The following HDAC8 variants were observed in gnomAD, a reference collection of about 807,000 sequenced individuals.
HDAC8 encodes the protein histone deacetylase 8.
A neutral mutation model predicts 32.2 loss-of-function variants in HDAC8; 1 was observed. The observed-to-expected ratio is 0.03, with a 90% CI of 0.01 to 0.15. The LOEUF (loss-of-function observed/expected upper bound fraction) is 0.15. HDAC8 is among the 10% of genes least tolerant of loss of function. The pLI, the probability that HDAC8 is intolerant of heterozygous loss-of-function variation, is 1.00. For synonymous variants in HDAC8, 108 were observed against 113.9 expected (o/e 0.95, Z 0.33); for missense variants, 117 against 300.0 (o/e 0.39, Z 4.51).
chrX:72,389,490 T>G (rs2045554466), intron 9 of HDAC8, among the ~76,000 whole-genome samples: 2 of 112,045 alleles, frequency 1.8e-5, no homozygotes, highest in Non-Finnish European at 3.8e-5. Context: ...ATAAGAGCAC[T>G]GACCTTATGA....
chrX:72,373,448 T>C (rs2044949301), intron 9 of HDAC8, among the ~76,000 whole-genome samples: 1 of 112,657 alleles, frequency 8.9e-6, no homozygotes, highest in Non-Finnish European at 1.9e-5. Context: ...TCTGGACATT[T>C]CATACAAATG....
intron 7 of HDAC8, chrX:72,480,577 G>A (rs1603032740): frequency 8.2e-6 from 2 of 245,307 alleles, no homozygotes; most frequent in South Asian, 8.0e-5. Flanking sequence ...AGGAATATAA[G>A]TCATTCTACT....
chrX:72,413,319 C>T (rs1262393245), intron 9 of HDAC8, among the ~76,000 whole-genome samples: 1 of 90,443 alleles, frequency 1.1e-5, no homozygotes, highest in African/African-American at 4.3e-5. Context: ...TTCCTGTGTC[C>T]ATGTGTTCTC....
In HDAC8 at chrX:72,501,736, A is replaced by G. The variant is rs968510819; in HGVS notation, c.438-6468T>C. 4.4e-5 allele frequency among the ~76,000 whole-genome samples: 5 copies of G among 112,441 alleles called. No individual in the cohort carries two copies. The East Asian group carries it at 8.3e-4, about 19-fold the overall frequency. Reference sequence around the variant, plus strand: ...GCAAAGATTTCATGACAAAGACAACAAATGCAATTTCAACAAAAGCAAAAG... The same window carrying G: ...GCAAAGATTTCATGACAAAGACAACGAATGCAATTTCAACAAAAGCAAAAG... On this transcript the variant is annotated intron_variant, in intron 4 of 10. Transcript: ENST00000373573.
At chrX:72,363,459 C>A (rs2044609315) in intron 9 of HDAC8, among the ~76,000 whole-genome samples, 1 of 111,136 alleles carries the variant, frequency 9.0e-6, no homozygotes, top group African/African-American at 3.3e-5. Flanking sequence ...CAAACAACTG[C>A]CCTCTCTCTA....
chrX:72,480,903 G>T (rs2048476146), intron 7 of HDAC8, among the ~76,000 whole-genome samples: 1 of 110,130 alleles, frequency 9.1e-6, no homozygotes, highest in Non-Finnish European at 1.9e-5. Context: ...GGGCTTGTCA[G>T]GGGGTGGGGA....
chrX:72,407,573 A>G (rs1407669509), intron 9 of HDAC8, among the ~76,000 whole-genome samples: 1 of 112,181 alleles, frequency 8.9e-6, no homozygotes, highest in Non-Finnish European at 1.9e-5. Flanking sequence ...GAAATAGGGA[A>G]GCAGGAAAGA....
intron 9 of HDAC8, among the ~76,000 whole-genome samples, chrX:72,354,931 C>T (rs951986880): frequency 1.2e-4 from 13 of 112,063 alleles, no homozygotes; most frequent in African/African-American, 4.2e-4. Context: ...GAATTCCCTT[C>T]TCCTGGGGCA....
At chrX:72,449,278 A>G (rs781961445) in intron 9 of HDAC8, among the ~76,000 whole-genome samples, 1 of 111,537 alleles carries the variant, frequency 9.0e-6, no homozygotes, top group East Asian at 2.8e-4. Flanking sequence ...TGTCCTTTGC[A>G]GGGACATGGA....
chrX:72,536,935 C>T (rs1175147510), intron 4 of HDAC8, among the ~76,000 whole-genome samples: 1 of 111,881 alleles, frequency 8.9e-6, no homozygotes, highest in South Asian at 3.8e-4. Context: ...ATGTAATTGA[C>T]CCAGCACAGA....
At chrX:72,361,341 A>G (rs1555952462) in intron 9 of HDAC8, among the ~76,000 whole-genome samples, 3 of 111,894 alleles carry the variant, frequency 2.7e-5, no homozygotes. Context: ...TAAGCAAAAT[A>G]ATCAAGTAAA....
chrX:72,421,516 C>T (rs2046491593), intron 9 of HDAC8, among the ~76,000 whole-genome samples: 1 of 112,386 alleles, frequency 8.9e-6, no homozygotes, highest in Admixed American at 9.4e-5. Context: ...CAACTCTACC[C>T]ATGTACCAAC....
At chrX:72,432,787 A>C (rs1294985300) in intron 9 of HDAC8, among the ~76,000 whole-genome samples, 2 of 110,163 alleles carry the variant, frequency 1.8e-5, no homozygotes, top group Non-Finnish European at 3.8e-5. Context: ...GTTCCATGGC[A>C]TGGGGACCAC....
chrX:72,347,772 A>C (rs937497100), intron 10 of HDAC8, among the ~76,000 whole-genome samples: 1 of 112,333 alleles, frequency 8.9e-6, no homozygotes. Context: ...GCAAATGAAC[A>C]TGGTGCAAGG....
intron 8 of HDAC8, 139 bp from the exon 9 acceptor site, chrX:72,462,237 G>A (rs1001492173): frequency 1.2e-5 from 6 of 487,609 alleles, no homozygotes; most frequent in African/African-American, 1.2e-4. Context: ...TCCCCCCTTT[G>A]TGATATTTTT....
At chrX:72,444,375 G>T (rs1555983577) in intron 9 of HDAC8, among the ~76,000 whole-genome samples, 1 of 111,564 alleles carries the variant, frequency 9.0e-6, no homozygotes, top group Non-Finnish European at 1.9e-5. Context: ...TGCAACACTG[G>T]TTCAATATAC....
chrX:72,525,852 T>C (rs1405254260), intron 4 of HDAC8, among the ~76,000 whole-genome samples: 1 of 81,793 alleles, frequency 1.2e-5, no homozygotes, highest in Admixed American at 1.5e-4. Flanking sequence ...AAAATCCCGG[T>C]CCTCATGGAG....
At chrX:72,442,338 C>G (rs1188916593) in intron 9 of HDAC8, among the ~76,000 whole-genome samples, 7 of 111,541 alleles carry the variant, frequency 6.3e-5, no homozygotes, top group African/African-American at 2.3e-4. Flanking sequence ...GCGGATCTCT[C>G]GGCAGAAACT....
At chrX:72,473,531 A>G in intron 7 of HDAC8, 1 of 165,795 alleles carries the variant, frequency 6.0e-6, no homozygotes, top group Non-Finnish European at 9.9e-6. Flanking sequence ...ATCCTATTTT[A>G]CAGATGGGGA....
Sources: allele counts gnomAD v4.1 joint callset (sites outside exome capture counted in the v4.1 genomes callset), GRCh38; gene constraint gnomAD v4.1.1; transcripts MANE v1.5; gene names NCBI Gene and HGNC (gene_info 2026-07-23, HGNC 2026-07-21).